Variants in ECT2L observed in about 807,000 individuals in gnomAD.
The protein encoded by ECT2L is epithelial cell transforming 2 like, also known as epithelial cell-transforming sequence 2 oncogene-like.
ECT2L carries 126 observed loss-of-function variants against 122.8 expected under a neutral mutation model. That is an observed-to-expected ratio of 1.03 (90% CI 0.89 to 1.19). The LOEUF (loss-of-function observed/expected upper bound fraction) is 1.19. ECT2L is among the 50% of genes most tolerant of loss of function. The pLI is 0.00. For missense variants in ECT2L, 1,012 were observed against 1,064.1 expected, an observed-to-expected ratio of 0.95 and a Z score of 0.68; for synonymous variants, 385 against 381.8, an observed-to-expected ratio of 1.01 and a Z score of -0.10.
intron 13 of ECT2L, among the ~76,000 whole-genome samples, chr6:138,869,549 C>T (rs1019501411): frequency 5.9e-5 from 9 of 152,278 alleles, no homozygotes; most frequent in African/African-American, 2.2e-4. Flanking sequence ...AGCCCAATGA[C>T]GAAAGGCCTT....
chr6:138,846,619 C>G lies in ECT2L; in HGVS notation c.845C>G (p.Ser282Cys). Reference sequence around the variant, plus strand: ...GGAGTTCATAAAAATGATGACAGATCTTCATATGCTCTCCGGCCACACTTC... The same window carrying G: ...GGAGTTCATAAAAATGATGACAGATGTTCATATGCTCTCCGGCCACACTTC... Reference protein sequence around the residue: ...WHGVHKNDDRSSYALRPHFML... With the variant: ...WHGVHKNDDRCSYALRPHFML... Residue 282 changes from serine to cysteine, a missense_variant, in exon 8 of 22, where the codon TCT (serine) becomes TGT (cysteine). Physicochemically the swap from Ser to Cys is moderately radical, Grantham distance 112. Coordinates refer to ENST00000541398, the MANE Select transcript of ECT2L (RefSeq NM_001077706.3). The G allele has an allele frequency of 6.2e-7, 1 of 1,611,210 alleles. No individual in the cohort carries two copies. The highest frequency in any genetic ancestry group is 8.5e-7 in the Non-Finnish European group (1 of 1,178,964).
chr6:138,873,888 G>GTGTGTGTGTGTGTGTGTGTGTA (rs1778346039), intron 13 of ECT2L, among the ~76,000 whole-genome samples: 1 of 126,556 alleles, frequency 7.9e-6, no homozygotes, highest in South Asian at 2.5e-4. Flanking sequence ...GTGTGTGTGT[G>GTGTGTGTGTGTGTGTGTGTGTA]TGTGTGTGTG....
At chr6:138,898,054 A>C (rs1327130579) in intron 20 of ECT2L, among the ~76,000 whole-genome samples, 1 of 105,634 alleles carries the variant, frequency 9.5e-6, no homozygotes, top group African/African-American at 3.3e-5. Flanking sequence ...CTTATCATGG[A>C]TATGGTAAAA....
chr6:138,846,513 T>G, intron 7 of ECT2L, 26 bp from the exon 8 acceptor site: 2 of 1,550,922 alleles, frequency 1.3e-6, no homozygotes, highest in Non-Finnish European at 8.7e-7. Context: ...AAATGAAAAC[T>G]TCTCATATTT....
intron 4 of ECT2L, among the ~76,000 whole-genome samples, chr6:138,829,300 C>T (rs1776570247): frequency 6.6e-6 from 1 of 152,058 alleles, no homozygotes. Flanking sequence ...TAGGTATTGC[C>T]GTAATAGAGC....
chr6:138,873,464 A>C (rs1465744223), intron 13 of ECT2L, among the ~76,000 whole-genome samples: 1 of 152,202 alleles, frequency 6.6e-6, no homozygotes, highest in Non-Finnish European at 1.5e-5. Flanking sequence ...GAGACAAAGG[A>C]GGGGAAAATG....
chr6:138,888,030 G>A (rs1778887153), intron 19 of ECT2L, among the ~76,000 whole-genome samples: 2 of 152,196 alleles, frequency 1.3e-5, no homozygotes, highest in Non-Finnish European at 2.9e-5. Context: ...AGGAGCTCAG[G>A]ATGTGAGTTA....
In ECT2L at chr6:138,853,783, G is replaced by A. The variant is rs17067964; in HGVS notation, c.1070-243G>A. Among the ~76,000 whole-genome samples, 1,377 of 152,244 alleles carry A rather than the reference G, an allele frequency of 9.0e-3. 52 individuals carry two copies. Among genetic ancestry groups the A allele is most frequent in the Admixed American group, 0.064 (979 of 15,280 alleles). On this transcript the variant is annotated intron_variant, in intron 9 of 21. Transcript: ENST00000541398. ...TGATATCTTACCCTGCTGCACAGTG[G>A]AGGCAGAAATGCAATGTCGTAAACC... is the stretch of plus-strand genomic sequence containing the variant.
At chr6:138,868,743 TC>T in intron 13 of ECT2L, among the ~76,000 whole-genome samples, 1 of 152,204 alleles carries the variant, frequency 6.6e-6, no homozygotes, top group Non-Finnish European at 1.5e-5. Context: ...TCCAAGGTTC[TC>T]TCTCATTAAG....
intron 4 of ECT2L, among the ~76,000 whole-genome samples, chr6:138,825,538 G>A (rs140642896): frequency 0.019 from 2,964 of 152,148 alleles, 93 homozygotes; most frequent in African/African-American, 0.067. Flanking sequence ...AGCTGAGATC[G>A]TGCAATTGCA....
At chr6:138,814,008 A>G (rs1182263262) in intron 3 of ECT2L, among the ~76,000 whole-genome samples, 1 of 152,134 alleles carries the variant, frequency 6.6e-6, no homozygotes, top group Non-Finnish European at 1.5e-5. Context: ...TCTGTTGGCT[A>G]TTTAGCGATA....
intron 1 of ECT2L, among the ~76,000 whole-genome samples, chr6:138,799,042 G>A (rs560395904): frequency 1.9e-4 from 29 of 152,132 alleles, no homozygotes; most frequent in Non-Finnish European, 3.4e-4. Context: ...AAGCCACTCC[G>A]GGAGTCTCTC....
At chr6:138,805,017 G>A (rs1775668139) in intron 1 of ECT2L, among the ~76,000 whole-genome samples, 1 of 152,026 alleles carries the variant, frequency 6.6e-6, no homozygotes, top group African/African-American at 2.4e-5. Flanking sequence ...CCTCCCCACA[G>A]GTAAACCTTA....
chr6:138,837,942 C>T (rs1029490546), intron 4 of ECT2L, among the ~76,000 whole-genome samples: 32 of 151,058 alleles, frequency 2.1e-4, no homozygotes, highest in Non-Finnish European at 4.6e-4. Context: ...ACTCTGTTGC[C>T]CAGGCTGGAG....
intron 3 of ECT2L, 121 bp downstream of exon 3, chr6:138,813,461 G>A: frequency 1.3e-6 from 1 of 754,972 alleles, no homozygotes; most frequent in South Asian, 2.1e-5. Flanking sequence ...TAGCTTTTCA[G>A]TTTAAACAAA....
At chr6:138,899,737 C>T (rs1487327257) in intron 20 of ECT2L, among the ~76,000 whole-genome samples, 1 of 145,458 alleles carries the variant, frequency 6.9e-6, no homozygotes, top group Admixed American at 7.3e-5. Flanking sequence ...CTGAGGGTTG[C>T]TTGATGCTTC....
In ECT2L at chr6:138,846,593, T is replaced by C. The variant is rs776754565; in HGVS notation, c.819T>C (p.His273=). 4.3e-6 allele frequency: 7 copies of C among 1,611,138 alleles called. No homozygotes were observed. The African/African-American group carries it at 5.4e-5, about 12-fold the overall frequency. The part of the protein sequence containing the change: ...SYPLLSKKNW[H]GVHKNDDRSS... Reference sequence around the variant, plus strand: ...CTTTATTATCAAAGAAAAATTGGCATGGAGTTCATAAAAATGATGACAGAT... The same window carrying C: ...CTTTATTATCAAAGAAAAATTGGCACGGAGTTCATAAAAATGATGACAGAT... Residue 273 remains histidine, a synonymous_variant, in exon 8 of 22, where the codon CAT becomes CAC. Coordinates refer to ENST00000541398, the MANE Select transcript of ECT2L (RefSeq NM_001077706.3).
chr6:138,797,040 A>G (rs1457631664), intron 1 of ECT2L, among the ~76,000 whole-genome samples: 1 of 152,248 alleles, frequency 6.6e-6, no homozygotes, highest in East Asian at 1.9e-4. Flanking sequence ...ATCAGTGAGC[A>G]CATCCACCAT....
chr6:138,826,887 C>T, intron 4 of ECT2L, among the ~76,000 whole-genome samples: 1 of 152,100 alleles, frequency 6.6e-6, no homozygotes, highest in East Asian at 1.9e-4. Context: ...CCCACTGTCT[C>T]ACTCTCTTGC....
Sources: allele counts gnomAD v4.1 joint callset (sites outside exome capture counted in the v4.1 genomes callset), GRCh38; gene constraint gnomAD v4.1.1; transcripts MANE v1.5; gene names NCBI Gene and HGNC (gene_info 2026-07-23, HGNC 2026-07-21).